Variants in NLGN4X observed in about 807,000 individuals in gnomAD.
The protein encoded by NLGN4X is neuroligin-4, X-linked.
Under a neutral mutation model 40.3 loss-of-function variants are expected in NLGN4X, and 3 were observed. The ratio of observed to expected loss-of-function variants is 0.07; its 90% CI spans 0.03 to 0.19. The LOEUF (loss-of-function observed/expected upper bound fraction) is 0.19, where lower values mean the gene tolerates loss of function less well. Ranked by LOEUF, NLGN4X falls within the 10% of genes least tolerant of loss-of-function variation. NLGN4X has a pLI of 1.00. For missense variants in NLGN4X, 382 were observed against 708.3 expected (o/e 0.54, Z 5.23); for synonymous variants, 270 against 306.8 (o/e 0.88, Z 1.25).
chrX:6,184,908 C>T (rs1921861921), intron 1 of NLGN4X, among the ~76,000 whole-genome samples: 1 of 112,118 alleles, frequency 8.9e-6, no homozygotes, highest in African/African-American at 3.2e-5. Context: ...CCAGCATTGC[C>T]CAGGGGCACT....
chrX:6,002,420 G>A (rs780050147), intron 3 of NLGN4X, among the ~76,000 whole-genome samples: 2 of 112,121 alleles, frequency 1.8e-5, no homozygotes, highest in East Asian at 5.6e-4. Flanking sequence ...TCCCCGCCCC[G>A]TTCAGCTGGA....
At chrX:6,024,043 A>AGG (rs2036620150) in intron 3 of NLGN4X, among the ~76,000 whole-genome samples, 1 of 112,481 alleles carries the variant, frequency 8.9e-6, no homozygotes, top group African/African-American at 3.2e-5. Context: ...TACTAAAGTA[A>AGG]GGAACTAAGA....
At chrX:6,136,433 T>C (rs764503513) in intron 2 of NLGN4X, among the ~76,000 whole-genome samples, 1 of 111,894 alleles carries the variant, frequency 8.9e-6, no homozygotes, top group East Asian at 2.8e-4. Context: ...ATTTTAAAGC[T>C]GAATAACTGA....
chrX:5,921,360 A>C (rs2033036410), intron 3 of NLGN4X, among the ~76,000 whole-genome samples: 1 of 97,485 alleles, frequency 1.0e-5, no homozygotes. Flanking sequence ...GCTGCTTCTC[A>C]CTGTATGACT....
intron 3 of NLGN4X, among the ~76,000 whole-genome samples, chrX:5,964,548 C>A (rs193297934): frequency 2.6e-4 from 29 of 111,864 alleles, no homozygotes; most frequent in African/African-American, 9.4e-4. Context: ...ACTCTGTCAC[C>A]CAGGCTGAAC....
At chrX:6,188,051 A>G (rs1358764028) in intron 1 of NLGN4X, among the ~76,000 whole-genome samples, 5 of 112,186 alleles carry the variant, frequency 4.5e-5, no homozygotes, top group African/African-American at 1.6e-4. Flanking sequence ...AATACTTATT[A>G]GTTTACTGCT....
Position 6,021,877 on chromosome X carries a change from C to G in NLGN4X, c.625+7403G>C, listed in dbSNP as rs1178061264. Among the ~76,000 whole-genome samples the G allele has an allele frequency of 4.5e-5, 5 of 110,551 alleles. No homozygotes were observed. The Admixed American group carries it at 4.8e-4, about 11-fold the overall frequency. ...ACTGCATGGACCCCTGCCAACTCCC[C>G]AGGCTGGCTTTACCGATAACATCTG... On this transcript the variant is annotated intron_variant, in intron 3 of 5. Transcript: ENST00000381095.
At chrX:5,991,428 A>T (rs1182808978) in intron 3 of NLGN4X, 1 of 517,444 alleles carries the variant, frequency 1.9e-6, no homozygotes. Context: ...TTCCATCCTC[A>T]TTTCTGAAAG....
chrX:6,021,022 C>T (rs1467452703), intron 3 of NLGN4X, among the ~76,000 whole-genome samples: 1 of 20,273 alleles, frequency 4.9e-5, no homozygotes, highest in African/African-American at 1.6e-4. Context: ...CTCTCTCTCT[C>T]TCTCTCTCTC....
chrX:5,946,778 C>T (rs1046554895), intron 3 of NLGN4X, among the ~76,000 whole-genome samples: 1 of 110,969 alleles, frequency 9.0e-6, no homozygotes, highest in Admixed American at 9.6e-5. Flanking sequence ...TTTCATGACC[C>T]AGGTACTAAG....
At chrX:6,212,750 G>C (rs888761048) in intron 1 of NLGN4X, among the ~76,000 whole-genome samples, 4 of 111,976 alleles carry the variant, frequency 3.6e-5, no homozygotes, top group Non-Finnish European at 7.5e-5. Context: ...CAGCAGGGCT[G>C]AGAGTTTCTC....
At chrX:6,163,663 G>A (rs2040444127) in intron 1 of NLGN4X, among the ~76,000 whole-genome samples, 1 of 111,917 alleles carries the variant, frequency 8.9e-6, no homozygotes, top group Admixed American at 9.5e-5. Flanking sequence ...AGAGAGCTAG[G>A]CCAGAGGACT....
At chrX:5,932,524 T>C (rs1407058856) in intron 3 of NLGN4X, among the ~76,000 whole-genome samples, 1 of 111,580 alleles carries the variant, frequency 9.0e-6, no homozygotes, top group Non-Finnish European at 1.9e-5. Context: ...ATAGACAAAA[T>C]AAATATATTC....
intron 1 of NLGN4X, among the ~76,000 whole-genome samples, chrX:6,176,207 T>A (rs544956928): frequency 1.2e-3 from 130 of 111,678 alleles, no homozygotes; most frequent in Middle Eastern, 4.6e-3. Context: ...TCACTTTGTC[T>A]CCATGATTTT....
chrX:6,195,434 G>A (rs759544564), intron 1 of NLGN4X, among the ~76,000 whole-genome samples: 14 of 111,943 alleles, frequency 1.3e-4, no homozygotes, highest in African/African-American at 3.6e-4. Context: ...CGCAATCTCC[G>A]CACTGTGGGG....
chrX:6,088,908 A>AT (rs2038566650), intron 2 of NLGN4X, among the ~76,000 whole-genome samples: 1 of 111,747 alleles, frequency 8.9e-6, no homozygotes, highest in African/African-American at 3.3e-5. Context: ...TGTCTTGACC[A>AT]TTTTTTTCCT....
intron 3 of NLGN4X, among the ~76,000 whole-genome samples, chrX:5,943,521 A>G (rs1202037834): frequency 8.9e-6 from 1 of 112,231 alleles, no homozygotes; most frequent in African/African-American, 3.2e-5. Context: ...AAACGCATAC[A>G]AGGACATGCA....
chrX:6,075,052 A>G (rs1201486890), intron 2 of NLGN4X, among the ~76,000 whole-genome samples: 2 of 112,070 alleles, frequency 1.8e-5, no homozygotes, highest in African/African-American at 6.5e-5. Context: ...AGAGAACTCT[A>G]GAAGCCAAAC....
chrX:5,941,057 G>A (rs1208013159), intron 3 of NLGN4X, among the ~76,000 whole-genome samples: 1 of 108,373 alleles, frequency 9.2e-6, no homozygotes, highest in East Asian at 2.9e-4. Flanking sequence ...GGGTTCAGGA[G>A]GTCGAGGCTG....
Sources: gnomAD v4.1 joint callset for allele counts (sites outside exome capture counted in the v4.1 genomes callset) on GRCh38, gnomAD v4.1.1 for gene constraint, MANE v1.5 for transcripts, NCBI Gene and HGNC (gene_info 2026-07-23, HGNC 2026-07-21) for gene names.